ZFHX3: variants seen among roughly 807,000 people sequenced by gnomAD.
ZFHX3 encodes zinc finger homeobox protein 3.
Under a neutral mutation model 279.1 loss-of-function variants are expected in ZFHX3, and 42 were observed. The observed-to-expected ratio is 0.15, with a 90% CI of 0.12 to 0.19. The LOEUF (loss-of-function observed/expected upper bound fraction) is 0.19, where lower values mean the gene tolerates loss of function less well. Among genes scored for constraint, ZFHX3 ranks in the 10% least tolerant of loss-of-function variants. The pLI, the probability that ZFHX3 is intolerant of heterozygous loss-of-function variation, is 1.00. For synonymous variants in ZFHX3, 2,293 were observed against 1,957.8 expected, an observed-to-expected ratio of 1.17 and a Z score of -4.52; for missense variants, 4,981 against 4,754.0, an observed-to-expected ratio of 1.05 and a Z score of -1.40.
chr16:72,980,104 G>T (rs1278037978), intron 1 of ZFHX3, among the ~76,000 whole-genome samples: 7 of 152,186 alleles, frequency 4.6e-5, no homozygotes, highest in Non-Finnish European at 7.3e-5. Flanking sequence ...TCCACTGATA[G>T]ACAAGAATAC....
chr16:73,714,946 C>G (rs904147539), intron 1 of ZFHX3, among the ~76,000 whole-genome samples: 1 of 152,200 alleles, frequency 6.6e-6, no homozygotes, highest in Non-Finnish European at 1.5e-5. Flanking sequence ...GTCTCATCTC[C>G]TCGGATAAAG....
chr16:73,663,948 A>G lies in ZFHX3; in HGVS notation c.-1547+16232T>C, dbSNP rs186761751. On this transcript the variant is annotated intron_variant, in intron 2 of 17. Transcript: ENST00000641206. The stretch of plus-strand genomic sequence containing the variant: ...AACCTACTCAAAGCCTCAGCAGGCC[A>G]TCGAGCTCAGAGGAACTTTGGGGAA... Among the ~76,000 whole-genome samples, 577 of 152,348 alleles carry G rather than the reference A, an allele frequency of 3.8e-3. 4 individuals are homozygous for G. The highest frequency in any genetic ancestry group is 0.013 in the African/African-American group (537 of 41,584).
At chr16:73,283,925 G>A (rs1408923029) in intron 4 of ZFHX3, among the ~76,000 whole-genome samples, 2 of 151,992 alleles carry the variant, frequency 1.3e-5, no homozygotes, top group African/African-American at 4.8e-5. Flanking sequence ...CTCCAGCCTG[G>A]GAAACAGAGT....
chr16:72,931,634 A>T (rs1959813434), intron 3 of ZFHX3, among the ~76,000 whole-genome samples: 1 of 152,016 alleles, frequency 6.6e-6, no homozygotes, highest in South Asian at 2.1e-4. Flanking sequence ...TGGGTAACAA[A>T]GGGTTGCCAT....
At chr16:73,005,129 T>C (rs1376907472) in intron 1 of ZFHX3, among the ~76,000 whole-genome samples, 1 of 152,232 alleles carries the variant, frequency 6.6e-6, no homozygotes, top group Non-Finnish European at 1.5e-5. Context: ...TTTCCTTCAC[T>C]ATAAAATGAA....
intron 1 of ZFHX3, among the ~76,000 whole-genome samples, chr16:72,976,326 T>A (rs1026849666): frequency 6.6e-6 from 1 of 152,188 alleles, no homozygotes; most frequent in African/African-American, 2.4e-5. Context: ...ATTCGGGGAA[T>A]CAAATCTGGA....
chr16:73,296,571 G>A (rs558885522), intron 4 of ZFHX3, among the ~76,000 whole-genome samples: 4 of 152,226 alleles, frequency 2.6e-5, no homozygotes, highest in East Asian at 1.9e-4. Context: ...CAACAATTCC[G>A]TTAATGGCTT....
At position 73,792,346 on chromosome 16, in the gene ZFHX3, C is replaced by T. The variant is rs185330897; in HGVS notation, c.-1608+99305G>A. Among the ~76,000 whole-genome samples, 9 of 152,196 alleles carry T rather than the reference C, an allele frequency of 5.9e-5. No individual in the cohort carries two copies. In the East Asian group the frequency reaches 1.2e-3, roughly 20 times the overall value. ...AGTCCAATGTCACCACAATAAAGCACGCCAAAAGAAGTGCCACAAAAATAT... is the reference window on the plus strand; with the variant it reads ...AGTCCAATGTCACCACAATAAAGCATGCCAAAAGAAGTGCCACAAAAATAT... On this transcript the variant is annotated intron_variant, in intron 1 of 17. Transcript: ENST00000641206.
intron 5 of ZFHX3, among the ~76,000 whole-genome samples, chr16:73,183,213 CA>C (rs1196863288): frequency 1.3e-5 from 2 of 151,700 alleles, no homozygotes; most frequent in Admixed American, 6.6e-5. Flanking sequence ...TAAAACAAAA[CA>C]AAAAAAATTA....
chr16:73,070,938 G>A (rs7405362), intron 8 of ZFHX3, among the ~76,000 whole-genome samples: 1,825 of 22,572 alleles, frequency 0.081, 101 homozygotes, highest in African/African-American at 0.15. Context: ...GCGCGCGCGC[G>A]CACACACACA....
At chr16:72,870,812 G>A (rs1372620003) in intron 4 of ZFHX3, among the ~76,000 whole-genome samples, 1 of 151,924 alleles carries the variant, frequency 6.6e-6, no homozygotes, top group African/African-American at 2.4e-5. Flanking sequence ...ATATTATTAG[G>A]AAAATTTGAA....
intron 7 of ZFHX3, among the ~76,000 whole-genome samples, chr16:73,104,231 A>ATTTATTTATTTAT (rs1444485475): frequency 2.6e-5 from 4 of 151,780 alleles, no homozygotes; most frequent in Admixed American, 6.6e-5. Context: ...GTATTTATTT[A>ATTTATTTATTTAT]TTTATTTTAT....
intron 3 of ZFHX3, among the ~76,000 whole-genome samples, chr16:73,409,833 T>A (rs1314480456): frequency 6.6e-6 from 1 of 152,128 alleles, no homozygotes; most frequent in African/African-American, 2.4e-5. Flanking sequence ...CTGAAGGACA[T>A]TATGTCAAGT....
At chr16:73,388,556 T>C (rs1163779439) in intron 3 of ZFHX3, among the ~76,000 whole-genome samples, 2 of 152,174 alleles carry the variant, frequency 1.3e-5, no homozygotes, top group East Asian at 3.9e-4. Flanking sequence ...TGCCAGGGGA[T>C]TGGAGGCTCC....
intron 3 of ZFHX3, among the ~76,000 whole-genome samples, chr16:73,423,189 A>G (rs2017749527): frequency 6.6e-6 from 1 of 151,930 alleles, no homozygotes; most frequent in Non-Finnish European, 1.5e-5. Context: ...GGGAGGGACA[A>G]AATTCATCCT....
chr16:73,619,497 A>ATT (rs1263741461), intron 2 of ZFHX3, among the ~76,000 whole-genome samples: 97 of 48,628 alleles, frequency 2.0e-3, no homozygotes, highest in African/African-American at 5.3e-3. Flanking sequence ...CAAAAAAAAA[A>ATT]AATTATATAT....
chr16:73,784,015 G>A (rs1196297014), intron 1 of ZFHX3, among the ~76,000 whole-genome samples: 2 of 152,130 alleles, frequency 1.3e-5, no homozygotes, highest in Non-Finnish European at 2.9e-5. Flanking sequence ...AAGCAAGAAA[G>A]GATGTTCTCT....
chr16:73,781,422 C>T (rs545189726), intron 1 of ZFHX3, among the ~76,000 whole-genome samples: 1 of 152,012 alleles, frequency 6.6e-6, no homozygotes, highest in East Asian at 1.9e-4. Flanking sequence ...TGGTGTAGAT[C>T]ATGGTTTGGC....
chr16:73,610,689 G>A (rs1230008381), intron 2 of ZFHX3, among the ~76,000 whole-genome samples: 2 of 152,184 alleles, frequency 1.3e-5, no homozygotes, highest in African/African-American at 4.8e-5. Flanking sequence ...AAAGAAACAG[G>A]ATGATAAATA....
Sources: allele counts gnomAD v4.1 joint callset (sites outside exome capture counted in the v4.1 genomes callset), GRCh38; gene constraint gnomAD v4.1.1; transcripts MANE v1.5; gene names NCBI Gene and HGNC (gene_info 2026-07-23, HGNC 2026-07-21).